Variants in ARHGEF37 observed in about 807,000 individuals in gnomAD.
The protein encoded by ARHGEF37 is Rho guanine nucleotide exchange factor 37, also known as Rho guanine nucleotide exchange factor (GEF) 37.
A neutral mutation model predicts 71.1 loss-of-function variants in ARHGEF37; 55 were observed. That is an observed-to-expected ratio of 0.77 (90% CI 0.62 to 0.97). ARHGEF37 has a LOEUF of 0.97. ARHGEF37 is among the 50% of genes least tolerant of loss of function. ARHGEF37 has a pLI of 0.00. For missense variants in ARHGEF37, 765 were observed against 836.8 expected (o/e 0.91, Z 1.06); for synonymous variants, 327 against 350.6 (o/e 0.93, Z 0.75).
At chr5:149,604,655 T>A (rs1332316904) in intron 3 of ARHGEF37, among the ~76,000 whole-genome samples, 2 of 150,646 alleles carry the variant, frequency 1.3e-5, no homozygotes, top group African/African-American at 4.9e-5. Flanking sequence ...AGAGCCCTTT[T>A]CCCAGTAAGG....
At chr5:149,623,987 G>C in intron 9 of ARHGEF37, 25 bp from the exon 10 acceptor site, 5 of 1,578,918 alleles carry the variant, frequency 3.2e-6, no homozygotes, top group Non-Finnish European at 4.3e-6. Context: ...GCCCAGCTCT[G>C]TTGACAGTGT....
At chr5:149,595,997 G>A (rs1580902013) in intron 1 of ARHGEF37, among the ~76,000 whole-genome samples, 1 of 151,496 alleles carries the variant, frequency 6.6e-6, no homozygotes, top group Non-Finnish European at 1.5e-5. Flanking sequence ...TTGTGGCTGG[G>A]GGGGTCCCAG....
chr5:149,592,355 A>G (rs1029793323), intron 1 of ARHGEF37, among the ~76,000 whole-genome samples: 2 of 152,170 alleles, frequency 1.3e-5, no homozygotes, highest in African/African-American at 4.8e-5. Context: ...TCTGTTCTCT[A>G]TCTCTACAAT....
chr5:149,592,883 T>A (rs1490928374), intron 1 of ARHGEF37, among the ~76,000 whole-genome samples: 1 of 152,102 alleles, frequency 6.6e-6, no homozygotes, highest in Non-Finnish European at 1.5e-5. Flanking sequence ...AATTCTCCTG[T>A]CTCAGCCTCC....
At chr5:149,600,439 A>G (rs964981861) in intron 2 of ARHGEF37, among the ~76,000 whole-genome samples, 2 of 152,160 alleles carry the variant, frequency 1.3e-5, no homozygotes, top group Non-Finnish European at 2.9e-5. Flanking sequence ...AATAGGGGCC[A>G]GAGAATGCAT....
intron 2 of ARHGEF37, among the ~76,000 whole-genome samples, chr5:149,598,162 G>C (rs1216763098): frequency 6.6e-6 from 1 of 152,188 alleles, no homozygotes; most frequent in Non-Finnish European, 1.5e-5. Flanking sequence ...TAGAGTCTTA[G>C]TGTATTCCTT....
chr5:149,554,293 G>A (rs1220375999), intron 1 of ARHGEF37, among the ~76,000 whole-genome samples: 1 of 152,202 alleles, frequency 6.6e-6, no homozygotes, highest in Non-Finnish European at 1.5e-5. Context: ...TCAAACCACA[G>A]CATTCCAGCC....
rs753545664 is a variant in ARHGEF37 at position 149,618,947 on chromosome 5, A to G, written c.799A>G (p.Lys267Glu). The change falls in exon 7 of 13, where the codon AAG (lysine) becomes GAG (glutamate). Residue 267 changes from lysine (K) to glutamate (E), a missense_variant. Around this residue, in one of 5 missense-constraint regions of ARHGEF37, gnomAD observed 167 missense variants for 173.3 expected, o/e 0.96. Coordinates refer to ENST00000333677, the MANE Select transcript of ARHGEF37 (RefSeq NM_001001669.3). ...CACACATTACTTTCAGACAGAAGAC[A>G]AGGAATTTGATGATTTAGAAGAGAG... ...EAGLIPRTED[K>E]EFDDLEERFQ... 31 of 1,613,702 alleles carry G rather than the reference A, an allele frequency of 1.9e-5. No individual in the cohort carries two copies. Among genetic ancestry groups the G allele is most frequent in the Non-Finnish European group, 2.6e-5 (31 of 1,179,614 alleles).
rs535497635 is a variant in ARHGEF37 at position 149,595,207 on chromosome 5, G to A, written c.-11-2552G>A. Among the ~76,000 whole-genome samples the A allele has an allele frequency of 3.3e-5, 5 of 152,194 alleles. No homozygotes were observed. The East Asian group carries it at 5.8e-4, about 18-fold the overall frequency. ...TTGTTTGTTGTTGAGACAGGGTCTC[G>A]CTCTGTCACCCAAGCTAGAGTGCAG... is the stretch of plus-strand genomic sequence containing the variant. On this transcript the variant is annotated intron_variant, in intron 1 of 12. Transcript: ENST00000333677.
At chr5:149,611,303 T>A (rs1481934026) in intron 4 of ARHGEF37, among the ~76,000 whole-genome samples, 1 of 152,226 alleles carries the variant, frequency 6.6e-6, no homozygotes, top group Non-Finnish European at 1.5e-5. Context: ...ATAATAGCAG[T>A]GATGTTTTTG....
At chr5:149,616,872 T>A in intron 5 of ARHGEF37, 106 bp downstream of exon 5, 1 of 1,186,204 alleles carries the variant, frequency 8.4e-7, no homozygotes, top group Non-Finnish European at 1.2e-6. Context: ...GTGGCTTATG[T>A]AACTATAAAT....
chr5:149,587,173 A>G (rs1033785841), intron 1 of ARHGEF37, among the ~76,000 whole-genome samples: 4 of 152,186 alleles, frequency 2.6e-5, no homozygotes, highest in Non-Finnish European at 5.9e-5. Context: ...CCATCATTTC[A>G]GTCTCTCTCT....
chr5:149,579,158 C>T (rs892602906), upstream of ARHGEF37, among the ~76,000 whole-genome samples: 1 of 152,150 alleles, frequency 6.6e-6, no homozygotes, highest in African/African-American at 2.4e-5. Flanking sequence ...TATTCCATCA[C>T]GTACTTCTGA....
chr5:149,554,076 G>A (rs74824261), intron 1 of ARHGEF37, among the ~76,000 whole-genome samples: 37,986 of 152,010 alleles, frequency 0.25, 5,225 homozygotes, highest in Admixed American at 0.4. Context: ...GCTGAGGCAT[G>A]AGAATCGCTT....
chr5:149,583,994 C>G (rs1763170633), intron 1 of ARHGEF37, among the ~76,000 whole-genome samples: 1 of 152,068 alleles, frequency 6.6e-6, no homozygotes, highest in South Asian at 2.1e-4. Context: ...TCCTGGATGC[C>G]AGTGATCCTC....
intron 7 of ARHGEF37, among the ~76,000 whole-genome samples, 188 bp from the exon 8 acceptor site, chr5:149,620,166 G>T (rs1280648905): frequency 1.3e-5 from 2 of 152,304 alleles, no homozygotes; most frequent in East Asian, 3.9e-4. Flanking sequence ...GAAAGATGTT[G>T]ACTCAGTCTA....
At position 149,601,330 on chromosome 5, in the gene ARHGEF37, G is replaced by A. The variant is rs1363804555; in HGVS notation, c.310+99G>A. On this transcript the variant is annotated intron_variant, in intron 3 of 12. Transcript: ENST00000333677. ...ACTGTCTCCAGAGTTCCAGAGAAATGCAGCTCAACGGCAGTCTGTTTTGGG... is the reference window on the plus strand; with the variant it reads ...ACTGTCTCCAGAGTTCCAGAGAAATACAGCTCAACGGCAGTCTGTTTTGGG... 5 of 1,408,442 alleles carry A rather than the reference G, an allele frequency of 3.6e-6. No homozygotes were observed. In the African/African-American group the frequency reaches 7.1e-5, roughly 20 times the overall value. The allele number at this position is 1,408,442 out of a possible 1,614,324, so 87.2% of individuals were successfully genotyped here.
In ARHGEF37 at chr5:149,620,418, A is replaced by G. The variant is rs1225338040; in HGVS notation, c.959A>G (p.Tyr320Cys). 6.2e-7 allele frequency: 1 copy of G among 1,612,726 alleles called. No homozygotes were observed. ...LDIPEGPAVQYCNLARDLHLE... is the reference protein window; with the variant it reads ...LDIPEGPAVQCCNLARDLHLE... ...ATCCCCGAGGGGCCTGCAGTGCAGT[A>G]TTGCAATTTGGCAAGAGACCTTCAC... The change falls in exon 8 of 13, where the codon TAT becomes TGT. Residue 320 changes from tyrosine to cysteine, a missense_variant. By Grantham distance (194) the Tyr-to-Cys change is radical. Coordinates refer to ENST00000333677, the MANE Select transcript of ARHGEF37 (RefSeq NM_001001669.3).
At chr5:149,571,507 C>A (rs1762965540) in intron 1 of ARHGEF37, among the ~76,000 whole-genome samples, 1 of 152,170 alleles carries the variant, frequency 6.6e-6, no homozygotes, top group Non-Finnish European at 1.5e-5. Context: ...AATGGGGATA[C>A]AGTGCACGTT....
Sources: allele counts gnomAD v4.1 joint callset (sites outside exome capture counted in the v4.1 genomes callset), GRCh38; gene constraint gnomAD v4.1.1; regional missense constraint gnomAD v4.1.1; transcripts MANE v1.5; gene names NCBI Gene and HGNC (gene_info 2026-07-23, HGNC 2026-07-21).